The following CCDC63 variants were observed in gnomAD, a reference collection of about 807,000 sequenced individuals.
CCDC63 encodes coiled-coil domain containing 63, also known as coiled-coil domain-containing protein 63.
CCDC63 carries 54 observed loss-of-function variants against 63.6 expected under a neutral mutation model. That is an observed-to-expected ratio of 0.85 (90% CI 0.68 to 1.07). The LOEUF (loss-of-function observed/expected upper bound fraction) is 1.07. Among genes scored for constraint, CCDC63 ranks in the 50% least tolerant of loss-of-function variants. The pLI is 0.00. For missense variants in CCDC63, 637 were observed against 689.6 expected (o/e 0.92, Z 0.86); for synonymous variants, 253 against 266.1 (o/e 0.95, Z 0.48).
At chr12:110,891,424 G>A (rs775076029) in intron 8 of CCDC63, among the ~76,000 whole-genome samples, 2 of 152,034 alleles carry the variant, frequency 1.3e-5, no homozygotes, top group African/African-American at 2.4e-5. Flanking sequence ...GCTGAGGCAG[G>A]AAGATTACTT....
intron 1 of CCDC63, among the ~76,000 whole-genome samples, chr12:110,849,716 C>G (rs1012118933): frequency 1.3e-5 from 2 of 152,110 alleles, no homozygotes; most frequent in Admixed American, 6.6e-5. Flanking sequence ...CCAGGCTGGT[C>G]TCAGTCTCCT....
intron 9 of CCDC63, among the ~76,000 whole-genome samples, chr12:110,896,070 G>C (rs909299466): frequency 2.6e-5 from 4 of 152,162 alleles, no homozygotes; most frequent in Non-Finnish European, 5.9e-5. Flanking sequence ...ACATCAAGCT[G>C]AACATTGACT....
At chr12:110,895,755 T>A (rs939870313) in intron 9 of CCDC63, among the ~76,000 whole-genome samples, 1 of 152,228 alleles carries the variant, frequency 6.6e-6, no homozygotes, top group Non-Finnish European at 1.5e-5. Context: ...CATGTATACA[T>A]TTGGCACACT....
intron 10 of CCDC63, among the ~76,000 whole-genome samples, chr12:110,901,160 T>C (rs1566141100): frequency 6.6e-6 from 1 of 152,194 alleles, no homozygotes; most frequent in Non-Finnish European, 1.5e-5. Flanking sequence ...ATTTTGTGGG[T>C]ACATGGTGTG....
intron 4 of CCDC63, among the ~76,000 whole-genome samples, chr12:110,867,774 G>A (rs1222266122): frequency 1.4e-4 from 19 of 138,224 alleles, no homozygotes; most frequent in South Asian, 1.1e-3. Context: ...TCTCCCTCCC[G>A]GACGGGGTGG....
In CCDC63 at chr12:110,907,240, C is replaced by T; in HGVS notation, c.1547-91C>T. 1 of 1,283,756 alleles carries T rather than the reference C, an allele frequency of 7.8e-7. No individual in the cohort carries two copies. The highest frequency in any genetic ancestry group is 1.4e-5 in the South Asian group (1 of 69,918). The allele number at this position is 1,283,756 out of a possible 1,614,324, so 79.5% of individuals were successfully genotyped here. A position where few individuals can be genotyped will look rare whatever the true frequency, so the allele number is the denominator to read the frequency against. ...AACCTGAGAATTTCCATGCTCCACT[C>T]CCCAGTGCTATGGAGGGACGCCAAA... is the stretch of plus-strand genomic sequence containing the variant. On this transcript the variant is annotated intron_variant, in intron 11 of 11. Transcript: ENST00000308208. The surrounding 1 kb of genome is among the most constrained non-coding windows in gnomAD (Gnocchi z 4.4).
chr12:110,896,138 A>G (rs1411333091), intron 9 of CCDC63, among the ~76,000 whole-genome samples: 3 of 151,868 alleles, frequency 2.0e-5, no homozygotes, highest in Non-Finnish European at 4.4e-5. Flanking sequence ...ATGCACTTTT[A>G]TTATAATTTA....
intron 1 of CCDC63, among the ~76,000 whole-genome samples, chr12:110,850,973 A>G (rs1239935901): frequency 6.6e-6 from 1 of 152,116 alleles, no homozygotes; most frequent in Non-Finnish European, 1.5e-5. Context: ...TCATTCCTCA[A>G]AACCCAAGTT....
rs1454896601 is a variant in CCDC63 at position 110,881,218 on chromosome 12, G to A, written c.775G>A (p.Glu259Lys). The change falls in exon 7 of 12, where the codon GAG becomes AAG. Residue 259 changes from glutamate (E) to lysine (K), a missense_variant. Coordinates refer to ENST00000308208, the MANE Select transcript of CCDC63 (RefSeq NM_152591.3). ...AGAGCTGGAGCGTCTCTATGCCCAT[G>A]AGAGCAAGCTCAAGTCCTTCCTGCT... ...IRELERLYAH[E>K]SKLKSFLLVK... 1 of 1,613,884 alleles carries A rather than the reference G, an allele frequency of 6.2e-7. No individual in the cohort carries two copies. Among genetic ancestry groups the A allele is most frequent in the Admixed American group, 1.7e-5 (1 of 59,994 alleles).
chr12:110,870,618 G>C (rs2071052268), intron 4 of CCDC63, among the ~76,000 whole-genome samples: 1 of 152,128 alleles, frequency 6.6e-6, no homozygotes, highest in Non-Finnish European at 1.5e-5. Flanking sequence ...GCCTCAGAGG[G>C]AGAGATGTCC....
intron 11 of CCDC63, among the ~76,000 whole-genome samples, chr12:110,905,848 ATGTG>A: frequency 9.2e-6 from 1 of 108,268 alleles, no homozygotes; most frequent in African/African-American, 3.5e-5. Flanking sequence ...ATGTATATAT[ATGTG>A]TGTGTGTATG....
At chr12:110,903,358 A>G (rs1160032056) in intron 10 of CCDC63, among the ~76,000 whole-genome samples, 1 of 152,194 alleles carries the variant, frequency 6.6e-6, no homozygotes, top group Non-Finnish European at 1.5e-5. Flanking sequence ...CAGTCTGGAT[A>G]GTGTGAGGTT....
intron 3 of CCDC63, among the ~76,000 whole-genome samples, chr12:110,855,991 C>G (rs2070764488): frequency 6.6e-6 from 1 of 152,072 alleles, no homozygotes; most frequent in Non-Finnish European, 1.5e-5. Flanking sequence ...TTTTGGGGTA[C>G]TTCACTCCCT....
At chr12:110,896,671 G>A (rs182683796) in intron 9 of CCDC63, among the ~76,000 whole-genome samples, 35 of 152,304 alleles carry the variant, frequency 2.3e-4, no homozygotes, top group African/African-American at 5.8e-4. Flanking sequence ...CCAGCTGCAC[G>A]TCACAATCAC....
At chr12:110,906,506 T>C (rs2071585871) in intron 11 of CCDC63, among the ~76,000 whole-genome samples, 1 of 152,092 alleles carries the variant, frequency 6.6e-6, no homozygotes, top group African/African-American at 2.4e-5. Context: ...GTTTGAAATT[T>C]TCTCTTACAA....
At chr12:110,883,921 T>C in intron 7 of CCDC63, 109 bp from the exon 8 acceptor site, 1 of 863,078 alleles carries the variant, frequency 1.2e-6, no homozygotes, top group Non-Finnish European at 1.9e-6. Context: ...ATTACAGGCG[T>C]GAGTCACCAT....
chr12:110,851,588 T>A (rs1048195707), intron 1 of CCDC63, among the ~76,000 whole-genome samples: 5 of 152,060 alleles, frequency 3.3e-5, no homozygotes, highest in African/African-American at 4.8e-5. Flanking sequence ...TGCCCCAATC[T>A]TGAAGGTGGT....
intron 2 of CCDC63, 48 bp downstream of exon 2, chr12:110,853,011 G>A (rs779778797): frequency 1.3e-6 from 2 of 1,591,036 alleles, no homozygotes; most frequent in Non-Finnish European, 1.7e-6. Context: ...ATGGGGTCAG[G>A]CACTGTGCCA....
chr12:110,867,106 G>A (rs544301746), intron 4 of CCDC63, among the ~76,000 whole-genome samples: 3 of 141,562 alleles, frequency 2.1e-5, no homozygotes, highest in South Asian at 2.2e-4. Context: ...CAGACGGGGC[G>A]GCTGGCCGGG....
Sources: allele counts gnomAD v4.1 joint callset (sites outside exome capture counted in the v4.1 genomes callset), GRCh38; gene constraint gnomAD v4.1.1; non-coding constraint Gnocchi (gnomAD v3.1); transcripts MANE v1.5; gene names NCBI Gene and HGNC (gene_info 2026-07-23, HGNC 2026-07-21).